Variants in SNX29 observed in about 807,000 individuals in gnomAD.
SNX29 encodes the protein sorting nexin 29.
Under a neutral mutation model 102.1 loss-of-function variants are expected in SNX29, and 78 were observed. That is an observed-to-expected ratio of 0.76 (90% CI 0.64 to 0.92). SNX29 has a LOEUF of 0.92. Ranked by LOEUF, SNX29 falls within the 40% of genes least tolerant of loss-of-function variation. SNX29 has a pLI of 0.00. For synonymous variants in SNX29, 580 were observed against 414.5 expected (o/e 1.40, Z -4.85); for missense variants, 1,280 against 1,061.7 (o/e 1.21, Z -2.86).
At chr16:12,537,285 T>C (rs1321369999) in intron 20 of SNX29, among the ~76,000 whole-genome samples, 1 of 152,172 alleles carries the variant, frequency 6.6e-6, no homozygotes, top group Non-Finnish European at 1.5e-5. Context: ...CTGGTTAGTG[T>C]GGTACATGTT....
At chr16:12,372,066 G>A (rs573515767) in intron 16 of SNX29, among the ~76,000 whole-genome samples, 1 of 152,158 alleles carries the variant, frequency 6.6e-6, no homozygotes, top group African/African-American at 2.4e-5. Context: ...CCCTCCTAGC[G>A]ATCCTGCTGT....
At chr16:12,418,959 C>G (rs1167962250) in intron 18 of SNX29, among the ~76,000 whole-genome samples, 1 of 152,172 alleles carries the variant, frequency 6.6e-6, no homozygotes, top group Admixed American at 6.5e-5. Context: ...CTGTCTGATG[C>G]CTCCCTTGCT....
chr16:12,117,973 T>C (rs180963752), intron 11 of SNX29, among the ~76,000 whole-genome samples: 10 of 152,154 alleles, frequency 6.6e-5, no homozygotes, highest in Admixed American at 6.5e-4. Flanking sequence ...GGCATGTGCC[T>C]GTAGTCCTAG....
chr16:12,490,342 T>C (rs1017084891), intron 19 of SNX29, among the ~76,000 whole-genome samples: 3 of 152,250 alleles, frequency 2.0e-5, no homozygotes, highest in Admixed American at 2.0e-4. Context: ...CAGCATCACA[T>C]CTGTGAGCTT....
intron 18 of SNX29, among the ~76,000 whole-genome samples, chr16:12,451,455 T>C (rs953655209): frequency 8.5e-5 from 13 of 152,238 alleles, no homozygotes; most frequent in African/African-American, 2.9e-4. Context: ...GGCTGCCCAA[T>C]GTGTGGGATG....
chr16:12,129,297 C>T (rs1262483174), intron 12 of SNX29, among the ~76,000 whole-genome samples: 2 of 152,210 alleles, frequency 1.3e-5, no homozygotes, highest in African/African-American at 2.4e-5. Context: ...TAATGTGCTA[C>T]ACCTTTGAGT....
chr16:12,137,491 C>T (rs893444031), intron 13 of SNX29, among the ~76,000 whole-genome samples: 7 of 152,170 alleles, frequency 4.6e-5, no homozygotes, highest in African/African-American at 1.7e-4. Context: ...TGAGAACTTC[C>T]TTGACAGTGT....
intron 15 of SNX29, among the ~76,000 whole-genome samples, chr16:12,334,584 C>G (rs1231871903): frequency 6.6e-6 from 1 of 152,172 alleles, no homozygotes; most frequent in Non-Finnish European, 1.5e-5. Context: ...ATCTGGCATC[C>G]TGGGCTGCAT....
chr16:12,189,149 A>G (rs1346110369), intron 13 of SNX29, among the ~76,000 whole-genome samples: 1 of 152,176 alleles, frequency 6.6e-6, no homozygotes, highest in African/African-American at 2.4e-5. Context: ...GAGTCTGTTA[A>G]TGTGTTTCCT....
intron 20 of SNX29, among the ~76,000 whole-genome samples, chr16:12,542,344 TCAAAAGAAA>T (rs1413586284): frequency 2.6e-5 from 4 of 152,214 alleles, no homozygotes; most frequent in East Asian, 1.9e-4. Flanking sequence ...AGAGATTGTC[TCAAAAGAAA>T]AAGTTAGACC....
intron 1 of SNX29, among the ~76,000 whole-genome samples, chr16:11,997,504 G>A (rs1375213572): frequency 6.6e-6 from 1 of 150,758 alleles, no homozygotes; most frequent in Non-Finnish European, 1.5e-5. Flanking sequence ...TTGAGATAGG[G>A]CCTCACTCTG....
intron 18 of SNX29, among the ~76,000 whole-genome samples, chr16:12,447,471 T>A (rs2086116179): frequency 6.6e-6 from 1 of 152,188 alleles, no homozygotes; most frequent in African/African-American, 2.4e-5. Flanking sequence ...TTTTCACCTT[T>A]CTAAACCTCA....
intron 14 of SNX29, among the ~76,000 whole-genome samples, chr16:12,266,795 G>A (rs1245302549): frequency 6.6e-6 from 1 of 151,146 alleles, no homozygotes; most frequent in Non-Finnish European, 1.5e-5. Context: ...ATGGAGTCTT[G>A]CTCTGCCACC....
chr16:12,125,814 A>G (rs114778022), intron 11 of SNX29, among the ~76,000 whole-genome samples: 1 of 151,634 alleles, frequency 6.6e-6, no homozygotes, highest in Non-Finnish European at 1.5e-5. Flanking sequence ...CTGTCTCTCA[A>G]ACTTCCTGGG....
At chr16:12,152,715 C>G (rs1285056395) in intron 13 of SNX29, among the ~76,000 whole-genome samples, 1 of 152,190 alleles carries the variant, frequency 6.6e-6, no homozygotes, top group African/African-American at 2.4e-5. Context: ...CCACAGGTCC[C>G]TGGAACAGAT....
chr16:12,527,306 G>T, intron 20 of SNX29: 1 of 531,862 alleles, frequency 1.9e-6, no homozygotes, highest in South Asian at 1.5e-5. Flanking sequence ...ACAGAAAGCA[G>T]CGAGACTGCT....
intron 1 of SNX29, among the ~76,000 whole-genome samples, chr16:11,992,615 G>GACAGT (rs2055897340): frequency 6.6e-6 from 1 of 152,168 alleles, no homozygotes; most frequent in South Asian, 2.1e-4. Context: ...CCACCAGGAT[G>GACAGT]ACAGTGTGGT....
intron 20 of SNX29, among the ~76,000 whole-genome samples, chr16:12,563,463 A>T (rs2078845506): frequency 6.6e-6 from 1 of 152,216 alleles, no homozygotes; most frequent in Non-Finnish European, 1.5e-5. Flanking sequence ...GAAACCTAAT[A>T]GGGTAAAAGG....
At chr16:12,162,444 T>C (rs1264944143) in intron 13 of SNX29, among the ~76,000 whole-genome samples, 1 of 152,200 alleles carries the variant, frequency 6.6e-6, no homozygotes, top group Non-Finnish European at 1.5e-5. Context: ...TTTTTGGCTT[T>C]GCAGGCCATA....
Sources: allele counts gnomAD v4.1 joint callset (sites outside exome capture counted in the v4.1 genomes callset), GRCh38; gene constraint gnomAD v4.1.1; transcripts MANE v1.5; gene names NCBI Gene and HGNC (gene_info 2026-07-23, HGNC 2026-07-21).